The following TTC23L variants were observed in gnomAD, a reference collection of about 807,000 sequenced individuals.
TTC23L encodes tetratricopeptide repeat domain 23 like, also known as tetratricopeptide repeat protein 23-like.
A neutral mutation model predicts 48.1 loss-of-function variants in TTC23L; 42 were observed. The observed-to-expected ratio is 0.87, with a 90% confidence interval of 0.68 to 1.13. TTC23L has a LOEUF of 1.13. Ranked by LOEUF, TTC23L falls within the 50% of genes most tolerant of loss-of-function variation. The pLI is 0.00. For missense variants in TTC23L, 391 were observed against 421.0 expected, an observed-to-expected ratio of 0.93 and a Z score of 0.62; for synonymous variants, 159 against 157.2, an observed-to-expected ratio of 1.01 and a Z score of -0.09.
the TTC23L span, chr5:34,920,723 T>C: frequency 1.6e-4 from 24 of 152,210 alleles, no homozygotes; most frequent in East Asian, 5.8e-4. Flanking sequence ...AGGAGAAATA[T>C]GGTAAAAGAC....
chr5:34,849,788 G>A (rs759049901), intron 3 of TTC23L, among the ~76,000 whole-genome samples: 15 of 152,176 alleles, frequency 9.9e-5, no homozygotes, highest in Non-Finnish European at 1.6e-4. Context: ...GTAGATCACT[G>A]ATCACGCTAC....
chr5:34,855,608 T>G (rs1760064002), intron 4 of TTC23L, among the ~76,000 whole-genome samples: 1 of 152,186 alleles, frequency 6.6e-6, no homozygotes, highest in South Asian at 2.1e-4. Context: ...GCATCATTCA[T>G]GATAGGAAAA....
Position 34,876,545 on chromosome 5 carries a change from C to T in TTC23L, c.950-3636C>T, listed in dbSNP as rs972402429. On this transcript the variant is annotated intron_variant, in intron 8 of 10. Coordinates refer to ENST00000505624, the Ensembl canonical transcript of TTC23L. ...ATCTTTCATGAAAGATACAATCTGCCAAAACTCACATAAGAAAAACTAAGC... is the reference window on the plus strand; with the variant it reads ...ATCTTTCATGAAAGATACAATCTGCTAAAACTCACATAAGAAAAACTAAGC... Among the ~76,000 whole-genome samples the T allele has an allele frequency of 2.7e-5, 4 of 150,252 alleles. No individual in the cohort carries two copies. The East Asian group carries it at 7.7e-4, about 29-fold the overall frequency.
chr5:34,850,252 A>G (rs752898456), exon 4 of TTC23L: 14 of 1,613,922 alleles, frequency 8.7e-6, no homozygotes, highest in Non-Finnish European at 1.2e-5. Flanking sequence ...GGGGACCATC[A>G]CTGGAAATGT....
chr5:34,873,970 C>T (rs1761653940), intron 8 of TTC23L, among the ~76,000 whole-genome samples: 1 of 152,088 alleles, frequency 6.6e-6, no homozygotes, highest in African/African-American at 2.4e-5. Flanking sequence ...AAATAATAAG[C>T]ACTAAAATCT....
chr5:34,880,222 C>A, exon 9 of TTC23L: 3 of 1,613,044 alleles, frequency 1.9e-6, no homozygotes, highest in Non-Finnish European at 2.5e-6. Context: ...CAATGCATAT[C>A]GAGCAACATT....
chr5:34,925,171 T>C, the TTC23L span: 1 of 1,486,860 alleles, frequency 6.7e-7, no homozygotes, highest in Non-Finnish European at 9.0e-7. Flanking sequence ...CTTTGCCTTA[T>C]ATAAAATGTT....
At chr5:34,913,414 A>AT in the TTC23L span, 6 of 1,032,124 alleles carry the variant, frequency 5.8e-6, no homozygotes, top group Non-Finnish European at 8.3e-6. Flanking sequence ...AACTTCCTGT[A>AT]TTTTTCTGAC....
chr5:34,852,183 C>A (rs996258749), intron 4 of TTC23L, among the ~76,000 whole-genome samples: 1 of 152,266 alleles, frequency 6.6e-6, no homozygotes, highest in East Asian at 1.9e-4. Context: ...TGGCACCTGG[C>A]CCCCAAGTAG....
chr5:34,904,586 C>T, the TTC23L span, among the ~76,000 whole-genome samples: 1 of 150,150 alleles, frequency 6.7e-6, no homozygotes, highest in Admixed American at 6.6e-5. Context: ...GAGTGGGACT[C>T]CATCTCAAAA....
intron 9 of TTC23L, 96 bp from the exon 10 acceptor site, chr5:34,896,674 C>T: frequency 1.4e-6 from 1 of 722,370 alleles, no homozygotes; most frequent in Non-Finnish European, 2.6e-6. Context: ...AATTTAAGTT[C>T]TGGAATAGCA....
intron 8 of TTC23L, among the ~76,000 whole-genome samples, chr5:34,875,112 G>A (rs1156283804): frequency 1.3e-5 from 2 of 152,154 alleles, no homozygotes; most frequent in African/African-American, 4.8e-5. Flanking sequence ...GGGACAAAGA[G>A]GGGCATTACA....
chr5:34,895,703 G>A (rs1763179297), intron 9 of TTC23L, among the ~76,000 whole-genome samples: 1 of 152,132 alleles, frequency 6.6e-6, no homozygotes, highest in African/African-American at 2.4e-5. Flanking sequence ...TGGGCTGAGG[G>A]GCTGGAGAAG....
intron 9 of TTC23L, among the ~76,000 whole-genome samples, chr5:34,896,195 C>A (rs1763214336): frequency 6.6e-6 from 1 of 152,192 alleles, no homozygotes; most frequent in Non-Finnish European, 1.5e-5. Flanking sequence ...TTATCTTTAG[C>A]AGAGCAGTGG....
intron 9 of TTC23L, among the ~76,000 whole-genome samples, chr5:34,882,123 A>G (rs977089223): frequency 6.6e-6 from 1 of 152,226 alleles, no homozygotes; most frequent in Non-Finnish European, 1.5e-5. Context: ...AAAGATGTGA[A>G]AATACGTTAC....
the TTC23L span, chr5:34,922,156 T>A: frequency 3.5e-5 from 33 of 946,920 alleles, no homozygotes; most frequent in East Asian, 7.9e-4. Flanking sequence ...TAATCACATA[T>A]AATTACTTTA....
At chr5:34,843,747 C>T (rs1389838567) in intron 2 of TTC23L, among the ~76,000 whole-genome samples, 1 of 152,168 alleles carries the variant, frequency 6.6e-6, no homozygotes, top group Non-Finnish European at 1.5e-5. Context: ...TGATCTCTTG[C>T]CACAGATTTC....
At chr5:34,921,366 A>G in the TTC23L span, 1 of 152,184 alleles carries the variant, frequency 6.6e-6, no homozygotes, top group African/African-American at 2.4e-5. Flanking sequence ...GAACCAAATC[A>G]CCAGAAATGA....
chr5:34,917,596 C>T, the TTC23L span, among the ~76,000 whole-genome samples: 5 of 151,948 alleles, frequency 3.3e-5, no homozygotes, highest in Admixed American at 6.6e-5. Flanking sequence ...GCCGAGATCG[C>T]GCCACTGCAC....
Sources: allele counts gnomAD v4.1 joint callset (sites outside exome capture counted in the v4.1 genomes callset), GRCh38; gene constraint gnomAD v4.1.1; transcripts MANE v1.5; gene names NCBI Gene and HGNC (gene_info 2026-07-23, HGNC 2026-07-21).